The following STPG2 variants were observed in gnomAD, a reference collection of about 807,000 sequenced individuals.
STPG2 encodes the protein sperm-tail PG-rich repeat-containing protein 2.
In STPG2, 56 loss-of-function variants were observed where a neutral mutation model predicts 54.2. The observed-to-expected ratio is 1.03, with a 90% confidence interval of 0.83 to 1.29. STPG2 has a LOEUF of 1.29. Ranked by LOEUF, STPG2 falls within the 50% of genes most tolerant of loss-of-function variation. STPG2 has a pLI of 0.00. For missense variants in STPG2, 596 were observed against 544.9 expected, an observed-to-expected ratio of 1.09 and a Z score of -0.93; for synonymous variants, 200 against 181.8, an observed-to-expected ratio of 1.10 and a Z score of -0.81.
intron 5 of STPG2, among the ~76,000 whole-genome samples, chr4:98,022,717 C>T (rs930381314): frequency 1.3e-5 from 2 of 152,166 alleles, no homozygotes; most frequent in Non-Finnish European, 2.9e-5. Flanking sequence ...TTGTCCGTTT[C>T]TTTTTATTCT....
rs547595977 is a variant in STPG2, at chr4:97,904,627, T to G, written c.1044+39270A>C. ...ACAGAGAATGACTTTGACGAGCTGA[T>G]AGAAGAAGGATTCAGATAATCAAAT... On this transcript the variant is annotated intron_variant, in intron 8 of 10. Coordinates refer to ENST00000295268, the MANE Select transcript of STPG2 (RefSeq NM_174952.3). Among the ~76,000 whole-genome samples the G allele has an allele frequency of 3.9e-5, 6 of 152,252 alleles. No individual in the cohort carries two copies. In the South Asian group the frequency reaches 6.2e-4, roughly 16 times the overall value.
intron 9 of STPG2, among the ~76,000 whole-genome samples, chr4:97,782,680 T>C (rs1229541877): frequency 6.6e-6 from 1 of 152,146 alleles, no homozygotes; most frequent in African/African-American, 2.4e-5. Flanking sequence ...CTTCAAACTT[T>C]ACTACAAGCC....
At chr4:97,833,938 A>G (rs1352751104) in intron 9 of STPG2, among the ~76,000 whole-genome samples, 1 of 152,170 alleles carries the variant, frequency 6.6e-6, no homozygotes. Context: ...ACCACTGTGA[A>G]AGACAGTGTG....
chr4:98,112,037 G>C (rs1213570801), intron 3 of STPG2, among the ~76,000 whole-genome samples: 6 of 151,930 alleles, frequency 3.9e-5, no homozygotes, highest in Non-Finnish European at 8.8e-5. Context: ...TACTCCACCA[G>C]CTCCCTTATT....
intron 6 of STPG2, among the ~76,000 whole-genome samples, chr4:97,980,622 A>G (rs909204852): frequency 2.6e-5 from 4 of 152,168 alleles, no homozygotes; most frequent in African/African-American, 9.7e-5. Context: ...CCATCCCACA[A>G]AATAATGATA....
At chr4:97,463,486 G>A (rs1421667587) in intron 4 of STPG2, 1 of 152,156 alleles carries the variant, frequency 6.6e-6, no homozygotes, top group African/African-American at 2.4e-5. Context: ...TTTCACTCTT[G>A]TCACTTAGGC....
chr4:97,832,933 G>T (rs1453918073), intron 9 of STPG2, among the ~76,000 whole-genome samples: 2 of 152,116 alleles, frequency 1.3e-5, no homozygotes, highest in Non-Finnish European at 2.9e-5. Flanking sequence ...TGACCATACT[G>T]CCCAAAGTAA....
At chr4:98,030,685 G>C (rs756717591) in intron 5 of STPG2, among the ~76,000 whole-genome samples, 1 of 152,060 alleles carries the variant, frequency 6.6e-6, no homozygotes, top group Non-Finnish European at 1.5e-5. Context: ...CAAAAAAATA[G>C]TCACATAGAC....
chr4:98,035,939 C>T lies in STPG2; in HGVS notation c.613-54621G>A, dbSNP rs1000024927. ...GGGAGGGGAACATCACACACCAGGG[C>T]CTGTCGAGGGGTGGGGGCTAGGGGA... On this transcript the variant is annotated intron_variant, in intron 5 of 10. Coordinates refer to ENST00000295268, the MANE Select transcript of STPG2 (RefSeq NM_174952.3). 5.3e-5 allele frequency among the ~76,000 whole-genome samples: 8 copies of T among 151,792 alleles called. No homozygotes were observed. The South Asian group carries it at 1.0e-3, about 20-fold the overall frequency.
In STPG2 at chr4:98,128,435, G is replaced by T. The variant is rs1395143762; in HGVS notation, c.380C>A (p.Pro127His). 3.1e-6 allele frequency: 5 copies of T among 1,597,108 alleles called. No individual in the cohort carries two copies. Among genetic ancestry groups the T allele is most frequent in the Non-Finnish European group, 4.3e-6 (5 of 1,174,754 alleles). The change falls in exon 3 of 11, where the codon CCT becomes CAT. Residue 127 changes from proline to histidine, a missense_variant. Transcript: ENST00000295268. ...DSTLGPAYYK[P>H]QFDVSNATLK... ...GAAATACATTATACTTACAAATTGA[G>T]GTTTGTAGTATGCTGGACCAAGTGT...
chr4:97,445,849 A>G (rs1039759986), intron 4 of STPG2, among the ~76,000 whole-genome samples: 1 of 152,234 alleles, frequency 6.6e-6, no homozygotes, highest in African/African-American at 2.4e-5. Context: ...ATATAATCTC[A>G]GTAGTTTCCT....
chr4:97,948,192 T>C, intron 7 of STPG2, among the ~76,000 whole-genome samples: 1 of 152,074 alleles, frequency 6.6e-6, no homozygotes, highest in East Asian at 1.9e-4. Flanking sequence ...GTTGTGTGCA[T>C]AGTTTGTGTT....
rs920565393 is a variant in STPG2 at position 97,839,641 on chromosome 4, C to G, written c.1204+1132G>C. On this transcript the variant is annotated intron_variant, in intron 9 of 10. Transcript: ENST00000295268. ...TCCTACTTCACAGCAAAGCTAAAAC[C>G]TCACAAAATCAACATGGTGTAATAA... is the stretch of plus-strand genomic sequence containing the variant. Among the ~76,000 whole-genome samples the G allele has an allele frequency of 2.0e-5, 3 of 151,412 alleles. No individual in the cohort carries two copies. The Middle Eastern group carries it at 0.01, about 519-fold the overall frequency.
intron 4 of STPG2, among the ~76,000 whole-genome samples, chr4:97,457,369 C>T (rs918265817): frequency 6.6e-5 from 10 of 152,234 alleles, no homozygotes; most frequent in African/African-American, 1.9e-4. Flanking sequence ...GCTGACGCAA[C>T]TCCAGTGCCT....
chr4:97,979,529 G>A (rs1007749400), intron 6 of STPG2, among the ~76,000 whole-genome samples: 1 of 152,082 alleles, frequency 6.6e-6, no homozygotes. Context: ...TGCTTATAGA[G>A]AAGGAGCTGT....
At chr4:97,960,454 A>C (rs1005550473) in intron 7 of STPG2, among the ~76,000 whole-genome samples, 1 of 152,104 alleles carries the variant, frequency 6.6e-6, no homozygotes, top group African/African-American at 2.4e-5. Flanking sequence ...AAAACCCTAA[A>C]GACTCCTCCA....
intron 5 of STPG2, among the ~76,000 whole-genome samples, chr4:98,099,194 T>G (rs1738950606): frequency 1.3e-5 from 2 of 152,116 alleles, no homozygotes; most frequent in Non-Finnish European, 2.9e-5. Context: ...TGACAGTAGC[T>G]AAGATTTGGG....
intron 4 of STPG2, among the ~76,000 whole-genome samples, chr4:97,524,521 T>G (rs953079375): frequency 9.2e-5 from 14 of 151,966 alleles, no homozygotes; most frequent in African/African-American, 3.4e-4. Flanking sequence ...TTGCCTTCTA[T>G]TCACATTAAT....
Position 97,863,194 on chromosome 4 carries a change from C to T in STPG2, c.1045-22262G>A, listed in dbSNP as rs971027921. Among the ~76,000 whole-genome samples the T allele has an allele frequency of 5.8e-4, 88 of 151,928 alleles. 1 individual carries two copies. The highest frequency in any genetic ancestry group is 1.9e-3 in the African/African-American group (79 of 41,436). ...GAAAAGATCAATGAAATTGATAGAC[C>T]GCTAGCAAGACTAATAAAGAAGAAA... On this transcript the variant is annotated intron_variant, in intron 8 of 10. Transcript: ENST00000295268.
Sources: gnomAD v4.1 joint callset for allele counts (sites outside exome capture counted in the v4.1 genomes callset) on GRCh38, gnomAD v4.1.1 for gene constraint, MANE v1.5 for transcripts, NCBI Gene and HGNC (gene_info 2026-07-23, HGNC 2026-07-21) for gene names.